Variants in IFFO2 observed in about 807,000 individuals in gnomAD.
IFFO2 encodes the protein intermediate filament family orphan 2.
IFFO2 carries 19 observed loss-of-function variants against 53.5 expected under a neutral mutation model. The ratio of observed to expected loss-of-function variants is 0.36; its 90% CI spans 0.25 to 0.52. The LOEUF (loss-of-function observed/expected upper bound fraction) is 0.52, where lower values mean the gene tolerates loss of function less well. Among genes scored for constraint, IFFO2 ranks in the 20% least tolerant of loss-of-function variants. The pLI is 0.94. For synonymous variants in IFFO2, 303 were observed against 313.6 expected (o/e 0.97, Z 0.36); for missense variants, 570 against 727.4 (o/e 0.78, Z 2.49).
At chr1:18,909,710 C>T (rs777524745) in intron 8 of IFFO2, among the ~76,000 whole-genome samples, 2 of 152,222 alleles carry the variant, frequency 1.3e-5, no homozygotes, top group Non-Finnish European at 2.9e-5. Context: ...CCTCCTCAGC[C>T]ATGTGGAACG....
intron 1 of IFFO2, among the ~76,000 whole-genome samples, chr1:18,943,075 A>G (rs1368148037): frequency 6.6e-6 from 1 of 152,202 alleles, no homozygotes; most frequent in Non-Finnish European, 1.5e-5. Flanking sequence ...GCAATGTAAT[A>G]TTAAGACTCA....
intron 1 of IFFO2, among the ~76,000 whole-genome samples, chr1:18,950,500 G>A (rs1245828094): frequency 1.3e-5 from 2 of 152,164 alleles, no homozygotes; most frequent in Non-Finnish European, 2.9e-5. Flanking sequence ...GGAGCTCCAC[G>A]GGCAGCTCAG....
intron 1 of IFFO2, among the ~76,000 whole-genome samples, chr1:18,921,966 C>T (rs551350764): frequency 6.6e-6 from 1 of 152,266 alleles, no homozygotes; most frequent in East Asian, 1.9e-4. Context: ...TCCAGAACCA[C>T]CTTCACTGGG....
At chr1:18,921,714 G>A (rs1367229294) in intron 1 of IFFO2, among the ~76,000 whole-genome samples, 2 of 152,166 alleles carry the variant, frequency 1.3e-5, no homozygotes, top group African/African-American at 4.8e-5. Flanking sequence ...AGCAGGTGGG[G>A]CTGTTTTATT....
intron 1 of IFFO2, among the ~76,000 whole-genome samples, chr1:18,931,026 G>A (rs1936368843): frequency 6.6e-6 from 1 of 152,086 alleles, no homozygotes; most frequent in African/African-American, 2.4e-5. Flanking sequence ...TTAAAAATTA[G>A]CCAGGCATGG....
chr1:18,918,349 C>A lies in IFFO2; in HGVS notation c.963+13G>T, dbSNP rs1185483494. On this transcript the variant is annotated intron_variant, in intron 4 of 8. Coordinates refer to ENST00000455833, the MANE Select transcript of IFFO2 (RefSeq NM_001136265.2). The surrounding 1 kb of genome is among the most constrained non-coding windows in gnomAD (Gnocchi z 5.2). ...GTGGGGGGTTGGCTGGTGAGCAGGG[C>A]AGCCCTAGTCACCTGGAAGATCTTG... is the stretch of plus-strand genomic sequence containing the variant. The A allele has an allele frequency of 1.9e-6, 3 of 1,549,080 alleles. No individual in the cohort carries two copies. The South Asian group carries it at 3.6e-5, about 18-fold the overall frequency.
intron 1 of IFFO2, among the ~76,000 whole-genome samples, chr1:18,944,784 G>A (rs1349511788): frequency 2.0e-5 from 3 of 152,318 alleles, no homozygotes; most frequent in East Asian, 1.9e-4. Flanking sequence ...CTGAGGGATG[G>A]GGGACAGGAT....
In IFFO2 at chr1:18,906,100, G is replaced by A. The variant is rs1476632296; in HGVS notation, c.*2461C>T. On this transcript the variant is annotated 3_prime_UTR_variant, in exon 9 of 9. Transcript: ENST00000455833. ...CAGGCCGGACCCAGGAACCAGCCCA[G>A]GAGGCAGGCCCATCACACTCTGGCT... The A allele has an allele frequency of 2.0e-5, 3 of 152,312 alleles. No individual in the cohort carries two copies. Among genetic ancestry groups the A allele is most frequent in the African/African-American group, 7.3e-5 (3 of 41,372 alleles). The allele number at this position is 152,312 out of a possible 1,614,324, so 9.4% of individuals were successfully genotyped here. A position where few individuals can be genotyped will look rare whatever the true frequency, so the allele number is the denominator to read the frequency against.
intron 5 of IFFO2, among the ~76,000 whole-genome samples, chr1:18,913,304 G>T (rs528378378): frequency 6.6e-6 from 1 of 152,384 alleles, no homozygotes; most frequent in South Asian, 2.1e-4. Context: ...GAGCTGGTAG[G>T]GGGTGGGTGC....
In IFFO2 at chr1:18,916,279, C is replaced by G. The variant is rs982440680; in HGVS notation, c.1103+624G>C. Among the ~76,000 whole-genome samples the G allele has an allele frequency of 2.0e-5, 3 of 152,150 alleles. No individual in the cohort carries two copies. Among genetic ancestry groups the G allele is most frequent in the Non-Finnish European group, 4.4e-5 (3 of 68,032 alleles). On this transcript the variant is annotated intron_variant, in intron 5 of 8. Transcript: ENST00000455833. This position sits in a 1 kb window ranked among gnomAD's most constrained non-coding sequence, Gnocchi z 4.3. Reference sequence around the variant, plus strand: ...TCTCCCACCGCTTTTTTGGAGGAAGCTTTCGAAGGAAAGGCAGGAGAATGG... The same window carrying G: ...TCTCCCACCGCTTTTTTGGAGGAAGGTTTCGAAGGAAAGGCAGGAGAATGG...
chr1:18,911,216 G>A (rs1936031223), intron 7 of IFFO2, among the ~76,000 whole-genome samples, 168 bp downstream of exon 7: 1 of 152,238 alleles, frequency 6.6e-6, no homozygotes, highest in African/African-American at 2.4e-5. Context: ...AGGAAACTGA[G>A]GCCCTAAGAA....
At position 18,917,840 on chromosome 1, in the gene IFFO2, C is replaced by CG. The variant is rs1936158222; in HGVS notation, c.963+521dup. The stretch of plus-strand genomic sequence containing the variant: ...GGGCACCCACACTTGCACGTTAGGT[C>CG]GGGGGGGTATCGAGAGCCTCTTTGG... On this transcript the variant is annotated intron_variant, in intron 4 of 8. Transcript: ENST00000455833. The surrounding 1 kb of genome is among the most constrained non-coding windows in gnomAD (Gnocchi z 5.9). Among the ~76,000 whole-genome samples, 1 of 152,046 alleles carries CG rather than the reference C, an allele frequency of 6.6e-6. No individual in the cohort carries two copies. Among genetic ancestry groups the CG allele is most frequent in the Non-Finnish European group, 1.5e-5 (1 of 67,994 alleles).
intron 1 of IFFO2, among the ~76,000 whole-genome samples, chr1:18,942,286 C>T (rs904564440): frequency 1.3e-5 from 2 of 152,230 alleles, no homozygotes; most frequent in Non-Finnish European, 2.9e-5. Context: ...GCTGATCCTT[C>T]ATTCCCCCAC....
chr1:18,920,901 A>C (rs1402140196), intron 2 of IFFO2, among the ~76,000 whole-genome samples, 160 bp downstream of exon 2: 1 of 152,218 alleles, frequency 6.6e-6, no homozygotes, highest in African/African-American at 2.4e-5. Flanking sequence ...AGGAAGTGGA[A>C]GGGATCTCTT....
At position 18,955,912 on chromosome 1, in the gene IFFO2, C is replaced by T; in HGVS notation, c.421G>A (p.Gly141Ser). 2.2e-6 allele frequency: 3 copies of T among 1,333,528 alleles called. No homozygotes were observed. Among genetic ancestry groups the T allele is most frequent in the Non-Finnish European group, 9.5e-7 (1 of 1,051,306 alleles). The allele number at this position is 1,333,528 out of a possible 1,614,324, so 82.6% of individuals were successfully genotyped here. ...GAGCCGCCGCCGGGGGGCAGGCCGC[C>T]CAGGGCCACGGCATTGGCGTTGGCG... ...AGANANAVAL[G>S]GLPPGGGSHP... Residue 141 changes from glycine to serine, a missense_variant, in exon 1 of 9, where the codon GGC becomes AGC. By Grantham distance (56) the Gly-to-Ser change is moderately conservative. Transcript: ENST00000455833.
chr1:18,910,031 T>C (rs1419928465), intron 8 of IFFO2, among the ~76,000 whole-genome samples: 3 of 152,178 alleles, frequency 2.0e-5, no homozygotes, highest in Admixed American at 6.5e-5. Flanking sequence ...GGGCTTAAGC[T>C]CCTTGAGGGC....
At chr1:18,912,311 T>A (rs1569830659) in intron 5 of IFFO2, among the ~76,000 whole-genome samples, 1 of 36,702 alleles carries the variant, frequency 2.7e-5, no homozygotes, top group Non-Finnish European at 1.1e-4. Flanking sequence ...AAATGTGTAT[T>A]TTTTTTTTAA....
intron 1 of IFFO2, among the ~76,000 whole-genome samples, chr1:18,951,796 G>A (rs554236600): frequency 1.7e-3 from 263 of 152,352 alleles, no homozygotes; most frequent in Non-Finnish European, 2.7e-3. Context: ...CTGGAGCCTG[G>A]ACCCTAGTTA....
At chr1:18,948,521 TAC>T (rs1557650542) in intron 1 of IFFO2, among the ~76,000 whole-genome samples, 1 of 152,204 alleles carries the variant, frequency 6.6e-6, no homozygotes, top group Non-Finnish European at 1.5e-5. Flanking sequence ...GGGTGAAAAC[TAC>T]CCTCTCTTGT....
Sources: gnomAD v4.1 joint callset for allele counts (sites outside exome capture counted in the v4.1 genomes callset) on GRCh38, gnomAD v4.1.1 for gene constraint, Gnocchi (gnomAD v3.1) non-coding constraint, MANE v1.5 for transcripts, NCBI Gene and HGNC (gene_info 2026-07-23, HGNC 2026-07-21) for gene names.